The following LYRM7 variants were observed in gnomAD, a reference collection of about 807,000 sequenced individuals.
The protein encoded by LYRM7 is complex III assembly factor LYRM7.
A neutral mutation model predicts 15.8 loss-of-function variants in LYRM7; 9 were observed. The ratio of observed to expected loss-of-function variants is 0.57; its 90% CI spans 0.34 to 0.99. The LOEUF (loss-of-function observed/expected upper bound fraction) is 0.99, where lower values mean the gene tolerates loss of function less well. Among genes scored for constraint, LYRM7 ranks in the 50% least tolerant of loss-of-function variants. The pLI is 0.02. For missense variants in LYRM7, 115 were observed against 119.1 expected (o/e 0.97, Z 0.16); for synonymous variants, 39 against 39.4 (o/e 0.99, Z 0.04).
In LYRM7 at chr5:131,204,512, AC is replaced by A. The variant is rs1756138083; in HGVS notation, c.*4912del. 3 of 146,206 alleles carry A rather than the reference AC, an allele frequency of 2.1e-5. No homozygotes were observed. The highest frequency in any genetic ancestry group is 4.5e-5 in the Non-Finnish European group (3 of 67,374). 9.1% of individuals were successfully genotyped at this position (146,206 alleles called of 1,614,324 possible). On this transcript the variant is annotated 3_prime_UTR_variant, in exon 5 of 5. Transcript: ENST00000379380. ...CACACACACACACACACACACACACACAGTTTGGGTATCCCTAATCCAGAAA... is the reference window on the plus strand; with the variant it reads ...CACACACACACACACACACACACACAAGTTTGGGTATCCCTAATCCAGAAA...
In LYRM7 at chr5:131,200,265, T is replaced by C. The variant is rs1756038949; in HGVS notation, c.*664T>C. The C allele has an allele frequency of 6.6e-6, 1 of 152,324 alleles. No individual in the cohort carries two copies. 9.4% of individuals were successfully genotyped at this position (152,324 alleles called of 1,614,324 possible). A position where few individuals can be genotyped will look rare whatever the true frequency, so the allele number is the denominator to read the frequency against. Reference sequence around the variant, plus strand: ...AAGAAATCCTAGTTTAAAGAGGAAATAGTGGCCCTTGATCAAACTATTTAA... The same window carrying C: ...AAGAAATCCTAGTTTAAAGAGGAAACAGTGGCCCTTGATCAAACTATTTAA... On this transcript the variant is annotated 3_prime_UTR_variant, in exon 5 of 5. Transcript: ENST00000379380.
chr5:131,182,402 TA>T, intron 3 of LYRM7, 103 bp downstream of exon 3: 1 of 1,073,128 alleles, frequency 9.3e-7, no homozygotes, highest in Non-Finnish European at 1.2e-6. Context: ...CATTACTTGA[TA>T]GTTAAGGCCA....
rs576164814 is a variant in LYRM7 at position 131,196,426 on chromosome 5, G to A, written c.245-3105G>A. ...GACACCTTTCTGGTCTATATAAACCGTGTCTATTCGGTGTTACTTCCAAGA... is the reference window on the plus strand; with the variant it reads ...GACACCTTTCTGGTCTATATAAACCATGTCTATTCGGTGTTACTTCCAAGA... On this transcript the variant is annotated intron_variant, in intron 4 of 4. Transcript: ENST00000379380. Among the ~76,000 whole-genome samples, 26 of 152,174 alleles carry A rather than the reference G, an allele frequency of 1.7e-4. No individual in the cohort carries two copies. In the South Asian group the frequency reaches 2.3e-3, roughly 13 times the overall value.
In LYRM7 at chr5:131,199,613, T is replaced by G. The variant is rs1327644792; in HGVS notation, c.*12T>G. The stretch of plus-strand genomic sequence containing the variant: ...CTCAGAAGCAATGAGTTTTCTAGAA[T>G]ACAACAAGTCTTTGTACTTTTTAAC... On this transcript the variant is annotated 3_prime_UTR_variant, in exon 5 of 5. Transcript: ENST00000379380. The G allele has an allele frequency of 6.3e-7, 1 of 1,581,168 alleles. No individual in the cohort carries two copies. Among genetic ancestry groups the G allele is most frequent in the East Asian group, 2.3e-5 (1 of 44,268 alleles).
chr5:131,171,066 C>T (rs769371327), intron 1 of LYRM7, 28 bp downstream of exon 1: 1 of 1,513,314 alleles, frequency 6.6e-7, no homozygotes, highest in Admixed American at 2.7e-5. Context: ...GGGGTGGGTA[C>T]GATGCCGTCG....
chr5:131,180,274 C>A, intron 2 of LYRM7, 107 bp downstream of exon 2: 1 of 633,294 alleles, frequency 1.6e-6, no homozygotes, highest in Non-Finnish European at 2.8e-6. Context: ...ATGACCTTCA[C>A]TACCTCTCTC....
In LYRM7 at chr5:131,202,000, T is replaced by C. The variant is rs1756077758; in HGVS notation, c.*2399T>C. 1 of 151,542 alleles carries C rather than the reference T, an allele frequency of 6.6e-6. No homozygotes were observed. Among genetic ancestry groups the C allele is most frequent in the South Asian group, 2.1e-4 (1 of 4,794 alleles). 9.4% of individuals were successfully genotyped at this position (151,542 alleles called of 1,614,324 possible). On this transcript the variant is annotated 3_prime_UTR_variant, in exon 5 of 5. Coordinates refer to ENST00000379380, the MANE Select transcript of LYRM7 (RefSeq NM_181705.4). ...AGGTATGCGCCACCACACCTAGCTA[T>C]TTTTTTTATTTTTAGTAAGGACAAG...
At chr5:131,187,697 G>C (rs1038637391) in intron 4 of LYRM7, among the ~76,000 whole-genome samples, 12 of 151,896 alleles carry the variant, frequency 7.9e-5, no homozygotes, top group African/African-American at 2.7e-4. Flanking sequence ...TGTTGGCCAG[G>C]CTGGTCTCAA....
intron 1 of LYRM7, among the ~76,000 whole-genome samples, chr5:131,173,112 TC>T (rs1755547916): frequency 6.6e-6 from 1 of 152,238 alleles, no homozygotes; most frequent in Admixed American, 6.5e-5. Flanking sequence ...ATTTTTTTAA[TC>T]CCATGCAACA....
chr5:131,186,402 C>T (rs978689077), intron 3 of LYRM7, among the ~76,000 whole-genome samples: 1 of 152,120 alleles, frequency 6.6e-6, no homozygotes, highest in African/African-American at 2.4e-5. Flanking sequence ...AAACTATATG[C>T]ATATCTGAGC....
rs1206874834 is a variant in LYRM7 at position 131,202,268 on chromosome 5, GT to G, written c.*2668del. ...CCAGCACTTTGGCAGGCTGAGGCAG[GT>G]GGATTACCTGAGGTCGGAAGTTCGA... On this transcript the variant is annotated 3_prime_UTR_variant, in exon 5 of 5. Transcript: ENST00000379380. The G allele has an allele frequency of 1.3e-5, 2 of 152,176 alleles. No homozygotes were observed. Among genetic ancestry groups the G allele is most frequent in the Non-Finnish European group, 2.9e-5 (2 of 68,042 alleles). 9.4% of individuals were successfully genotyped at this position (152,176 alleles called of 1,614,324 possible).
chr5:131,182,111 C>T (rs1436667896), intron 2 of LYRM7, 118 bp from the exon 3 acceptor site: 1 of 927,272 alleles, frequency 1.1e-6, no homozygotes, highest in Non-Finnish European at 1.5e-6. Flanking sequence ...CTTTGTTTTT[C>T]ATGAGGGCAA....
intron 1 of LYRM7, among the ~76,000 whole-genome samples, chr5:131,176,798 A>G (rs77530231): frequency 0.029 from 4,432 of 152,214 alleles, 84 homozygotes; most frequent in Non-Finnish European, 0.046. Context: ...GCACCTACTT[A>G]TAAGTCAAAA....
chr5:131,180,353 T>C (rs1755671844), intron 2 of LYRM7, among the ~76,000 whole-genome samples, 186 bp downstream of exon 2: 1 of 152,040 alleles, frequency 6.6e-6, no homozygotes, highest in African/African-American at 2.4e-5. Context: ...GAAAAATTTT[T>C]AAAGATCAAG....
Position 131,171,048 on chromosome 5 carries a change from C to T in LYRM7, c.18+10C>T, listed in dbSNP as rs2285978. 3,475 of 1,527,368 alleles carry T rather than the reference C, an allele frequency of 2.3e-3. 114 individuals are homozygous for T. In the East Asian group the frequency reaches 0.075, roughly 33 times the overall value. The allele number at this position is 1,527,368 out of a possible 1,614,324, so 94.6% of individuals were successfully genotyped here. ...GGGACGGGCAGTCAAGGTGACAGGG[C>T]CCGGGAAGGGGTGGGTACGATGCCG... On this transcript the variant is annotated intron_variant, in intron 1 of 4. Coordinates refer to ENST00000379380, the MANE Select transcript of LYRM7 (RefSeq NM_181705.4).
chr5:131,179,471 T>C (rs1755655369), intron 1 of LYRM7, among the ~76,000 whole-genome samples: 1 of 84,128 alleles, frequency 1.2e-5, no homozygotes, highest in Admixed American at 1.8e-4. Flanking sequence ...TTTTTTTTTT[T>C]TCTTTTTTTT....
chr5:131,191,988 A>C (rs1016882926), intron 4 of LYRM7, among the ~76,000 whole-genome samples: 13 of 151,728 alleles, frequency 8.6e-5, no homozygotes, highest in Middle Eastern at 6.8e-3. Context: ...ATACGGAATC[A>C]ACCTAAGAAT....
rs1253974640 is a variant in LYRM7 at position 131,180,113 on chromosome 5, A to C, written c.37A>C (p.Thr13Pro). The change falls in exon 2 of 5, where the codon ACA becomes CCA. Residue 13 changes from threonine to proline, a missense_variant. Physicochemically the swap from Thr to Pro is conservative, Grantham distance 38. Coordinates refer to ENST00000379380, the MANE Select transcript of LYRM7 (RefSeq NM_181705.4). ...RAVKVLQLFKTLHRTRQQVFK... is the reference protein window; with the variant it reads ...RAVKVLQLFKPLHRTRQQVFK... ...TTAACAGGTTTTACAGCTCTTTAAA[A>C]CACTGCACAGGACCAGACAACAAGT... The C allele has an allele frequency of 1.2e-6, 2 of 1,612,692 alleles. No homozygotes were observed. Among genetic ancestry groups the C allele is most frequent in the African/African-American group, 2.7e-5 (2 of 74,846 alleles).
Position 131,198,113 on chromosome 5 carries a change from C to T in LYRM7, c.245-1418C>T, listed in dbSNP as rs1755998947. Among the ~76,000 whole-genome samples the T allele has an allele frequency of 2.0e-5, 3 of 152,002 alleles. No homozygotes were observed. The South Asian group carries it at 6.2e-4, about 32-fold the overall frequency. ...CAAATGAACATTTTTAGAATTATGACAGCCCATTTGGGTCTAGATCTCCTG... is the reference window on the plus strand; with the variant it reads ...CAAATGAACATTTTTAGAATTATGATAGCCCATTTGGGTCTAGATCTCCTG... On this transcript the variant is annotated intron_variant, in intron 4 of 4. Transcript: ENST00000379380.
Sources: gnomAD v4.1 joint callset for allele counts (sites outside exome capture counted in the v4.1 genomes callset) on GRCh38, gnomAD v4.1.1 for gene constraint, MANE v1.5 for transcripts, NCBI Gene and HGNC (gene_info 2026-07-23, HGNC 2026-07-21) for gene names.